LRRC40: variants seen among roughly 807,000 people sequenced by gnomAD.
LRRC40 encodes leucine-rich repeat-containing protein 40.
LRRC40 carries 76 observed loss-of-function variants against 72.8 expected under a neutral mutation model. The observed-to-expected ratio is 1.04, with a 90% CI of 0.87 to 1.26. LRRC40 has a LOEUF of 1.26. Among genes scored for constraint, LRRC40 ranks in the 50% most tolerant of loss-of-function variants. The pLI, the probability that LRRC40 is intolerant of heterozygous loss-of-function variation, is 0.00. For missense variants in LRRC40, 684 were observed against 698.9 expected (o/e 0.98, Z 0.24); for synonymous variants, 243 against 254.2 (o/e 0.96, Z 0.42).
chr1:70,176,271 G>A (rs1399003272), intron 6 of LRRC40, among the ~76,000 whole-genome samples: 5 of 152,054 alleles, frequency 3.3e-5, no homozygotes, highest in Non-Finnish European at 4.4e-5. Context: ...AGTGGCTCAC[G>A]CCTGTAATCC....
intron 9 of LRRC40, among the ~76,000 whole-genome samples, chr1:70,165,433 A>C (rs1667860810): frequency 6.6e-6 from 1 of 152,256 alleles, no homozygotes; most frequent in South Asian, 2.1e-4. Context: ...CATTTGAAGC[A>C]TCACAGACAA....
intron 10 of LRRC40, among the ~76,000 whole-genome samples, chr1:70,156,699 G>T (rs1218015644): frequency 6.6e-6 from 1 of 152,044 alleles, no homozygotes; most frequent in African/African-American, 2.4e-5. Flanking sequence ...AGTGACTAAG[G>T]ATGGGCAGCA....
intron 9 of LRRC40, among the ~76,000 whole-genome samples, chr1:70,164,549 C>T (rs768226549): frequency 2.0e-5 from 3 of 152,172 alleles, no homozygotes; most frequent in Non-Finnish European, 4.4e-5. Context: ...ACCACAGCAG[C>T]ACCCACTGGG....
chr1:70,145,725 A>G lies in LRRC40; in HGVS notation c.*75T>C, dbSNP rs1177844506. On this transcript the variant is annotated 3_prime_UTR_variant, in exon 15 of 15. Coordinates refer to ENST00000370952, the MANE Select transcript of LRRC40 (RefSeq NM_017768.5). ...AATAATCACCTTTTAAGATGATACT[A>G]AAACAAATGTTACATCCTCCTTAGA... 3 of 757,178 alleles carry G rather than the reference A, an allele frequency of 4.0e-6. No individual in the cohort carries two copies. The African/African-American group carries it at 5.3e-5, about 13-fold the overall frequency. The allele number at this position is 757,178 out of a possible 1,614,324, so 46.9% of individuals were successfully genotyped here. A position where few individuals can be genotyped will look rare whatever the true frequency, so the allele number is the denominator to read the frequency against.
Position 70,145,527 on chromosome 1 carries a change from C to A in LRRC40, c.*273G>T. 4.5e-6 allele frequency: 1 copy of A among 222,864 alleles called. No homozygotes were observed. Among genetic ancestry groups the A allele is most frequent in the Non-Finnish European group, 8.7e-6 (1 of 115,186 alleles). 13.8% of individuals were successfully genotyped at this position (222,864 alleles called of 1,614,324 possible). Reference sequence around the variant, plus strand: ...GAAAGTTAGCAGGATAAATCATAAGCAAAACATTTAGAACAAATGTATGAA... The same window carrying A: ...GAAAGTTAGCAGGATAAATCATAAGAAAAACATTTAGAACAAATGTATGAA... On this transcript the variant is annotated 3_prime_UTR_variant, in exon 15 of 15. Transcript: ENST00000370952.
intron 9 of LRRC40, among the ~76,000 whole-genome samples, chr1:70,165,148 A>C (rs1035231632): frequency 6.6e-6 from 1 of 152,248 alleles, no homozygotes; most frequent in Non-Finnish European, 1.5e-5. Context: ...GAATGATTTA[A>C]GTACTCTAGA....
chr1:70,187,855 A>AAGAGAAGAGAAGAGAAGAGT (rs1668401013), intron 2 of LRRC40, among the ~76,000 whole-genome samples: 1 of 149,676 alleles, frequency 6.7e-6, no homozygotes, highest in African/African-American at 2.5e-5. Flanking sequence ...AAGAGAAGAG[A>AAGAGAAGAGAAGAGAAGAGT]AGAGAAGAGA....
intron 9 of LRRC40, among the ~76,000 whole-genome samples, chr1:70,166,706 A>G (rs1403296844): frequency 6.6e-6 from 1 of 151,894 alleles, no homozygotes; most frequent in Admixed American, 6.6e-5. Flanking sequence ...TTTTAAGTAA[A>G]TTACTCTCTC....
rs1330819805 is a variant in LRRC40 at position 70,187,314 on chromosome 1, G to GC, written c.357_358insG (p.Leu120AlafsTer15). The stretch of plus-strand genomic sequence containing the variant: ...TCTAGCTCTCTTATAGCAGAAGGAA[G>GC]GGATGTCAACTGATTATCATGTATC... On this transcript the variant is annotated frameshift_variant, in exon 3 of 15. Coordinates refer to ENST00000370952, the MANE Select transcript of LRRC40 (RefSeq NM_017768.5). LOFTEE classifies it high-confidence loss of function. 1 of 1,582,596 alleles carries GC rather than the reference G, an allele frequency of 6.3e-7. No individual in the cohort carries two copies. The highest frequency in any genetic ancestry group is 8.7e-7 in the Non-Finnish European group (1 of 1,155,672).
chr1:70,177,019 T>TC lies in LRRC40; in HGVS notation c.805-1038_805-1037insG, dbSNP rs1668121449. 2.0e-5 allele frequency among the ~76,000 whole-genome samples: 3 copies of TC among 152,312 alleles called. No homozygotes were observed. The South Asian group carries it at 6.2e-4, about 32-fold the overall frequency. ...GGCCAGGCACGGTGGCTCACGCCTGTAATCCCAGCACTCTGGGAGGTGGAG... is the reference window on the plus strand; with the variant it reads ...GGCCAGGCACGGTGGCTCACGCCTGTCAATCCCAGCACTCTGGGAGGTGGAG... On this transcript the variant is annotated intron_variant, in intron 6 of 14. Transcript: ENST00000370952.
intron 9 of LRRC40, among the ~76,000 whole-genome samples, chr1:70,163,099 C>T (rs1240582767): frequency 7.0e-6 from 1 of 142,984 alleles, no homozygotes; most frequent in Non-Finnish European, 1.5e-5. Flanking sequence ...TTTTTTGAGA[C>T]GGAGTCTCAC....
At chr1:70,191,205 A>T (rs1007284713) in intron 1 of LRRC40, among the ~76,000 whole-genome samples, 1 of 152,150 alleles carries the variant, frequency 6.6e-6, no homozygotes, top group African/African-American at 2.4e-5. Flanking sequence ...ATAAAACAAT[A>T]CAAAACACTA....
intron 1 of LRRC40, among the ~76,000 whole-genome samples, chr1:70,190,340 C>T (rs892989364): frequency 4.6e-5 from 7 of 151,912 alleles, no homozygotes; most frequent in Non-Finnish European, 2.9e-5. Flanking sequence ...AATGGGGTTA[C>T]AGAAGCAAAG....
intron 1 of LRRC40, among the ~76,000 whole-genome samples, chr1:70,197,036 G>C (rs923127756): frequency 3.9e-5 from 6 of 152,150 alleles, no homozygotes; most frequent in African/African-American, 1.4e-4. Flanking sequence ...TGGCTCAACA[G>C]AACTTTCTAC....
At position 70,144,932 on chromosome 1, in the gene LRRC40, C is replaced by T. The variant is rs1316756065; in HGVS notation, c.*868G>A. ...CTACCTATCTATATAAATTGATATA[C>T]ATGCTACTGAATTGACTTCTTAATA... On this transcript the variant is annotated 3_prime_UTR_variant, in exon 15 of 15. Transcript: ENST00000370952. 6.6e-6 allele frequency: 1 copy of T among 152,094 alleles called. No individual in the cohort carries two copies. Among genetic ancestry groups the T allele is most frequent in the East Asian group, 1.9e-4 (1 of 5,198 alleles). 9.4% of individuals were successfully genotyped at this position (152,094 alleles called of 1,614,324 possible).
chr1:70,148,031 A>G (rs1397817037), intron 14 of LRRC40: 3 of 151,120 alleles, frequency 2.0e-5, no homozygotes, highest in Non-Finnish European at 2.9e-5. Context: ...CCAATTATTG[A>G]TGAAAACAGG....
intron 9 of LRRC40, among the ~76,000 whole-genome samples, chr1:70,167,376 A>G (rs1372828119): frequency 6.6e-6 from 1 of 152,040 alleles, no homozygotes; most frequent in African/African-American, 2.4e-5. Flanking sequence ...CCTGGCCAAC[A>G]TGGCAAAAAC....
chr1:70,189,158 T>C lies in LRRC40; in HGVS notation c.267A>G (p.Ile89Met), dbSNP rs200628762. ...WEQTDLTKLI[I>M]SNNKLQSLTD... ...TAAGTGACTGAAGTTTATTGTTTGATATTATTAGTTTGGTCAAATCTGTCT... is the reference window on the plus strand; with the variant it reads ...TAAGTGACTGAAGTTTATTGTTTGACATTATTAGTTTGGTCAAATCTGTCT... The change falls in exon 2 of 15, where the codon ATA becomes ATG. Residue 89 changes from isoleucine to methionine, a missense_variant. Physicochemically the swap from Ile to Met is conservative, Grantham distance 10. Coordinates refer to ENST00000370952, the MANE Select transcript of LRRC40 (RefSeq NM_017768.5). 61 of 1,613,792 alleles carry C rather than the reference T, an allele frequency of 3.8e-5. No individual in the cohort carries two copies. In the East Asian group the frequency reaches 1.2e-3, roughly 31 times the overall value.
chr1:70,163,965 G>A (rs1332853071), intron 9 of LRRC40, among the ~76,000 whole-genome samples: 2 of 152,040 alleles, frequency 1.3e-5, no homozygotes, highest in African/African-American at 4.8e-5. Flanking sequence ...AATTGTGAAG[G>A]CTGAGAAGTC....
Sources: allele counts gnomAD v4.1 joint callset (sites outside exome capture counted in the v4.1 genomes callset), GRCh38; gene constraint gnomAD v4.1.1; transcripts MANE v1.5; gene names NCBI Gene and HGNC (gene_info 2026-07-23, HGNC 2026-07-21).